The following RNF212 variants were observed in gnomAD, a reference collection of about 807,000 sequenced individuals.
RNF212 encodes the protein ring finger protein 212, also known as probable E3 SUMO-protein ligase RNF212.
RNF212 carries 33 observed loss-of-function variants against 34.7 expected under a neutral mutation model. The ratio of observed to expected loss-of-function variants is 0.95; its 90% CI spans 0.72 to 1.27. The LOEUF is 1.27. RNF212 is among the 50% of genes most tolerant of loss of function. The probability of loss-of-function intolerance (pLI) is 0.00; values close to 1 mark genes in which losing one functional copy is unlikely to be tolerated. For synonymous variants in RNF212, 140 were observed against 136.1 expected, an observed-to-expected ratio of 1.03 and a Z score of -0.20; for missense variants, 377 against 362.2, an observed-to-expected ratio of 1.04 and a Z score of -0.33.
chr4:1,092,035 G>A (rs1577739973), intron 3 of RNF212, among the ~76,000 whole-genome samples: 1 of 152,206 alleles, frequency 6.6e-6, no homozygotes, highest in South Asian at 2.1e-4. Flanking sequence ...GCTGCCTGTC[G>A]GGAACACCTG....
At position 1,113,024 on chromosome 4, in the gene RNF212, T is replaced by A. The variant is rs1348048745; in HGVS notation, c.109+332A>T. ...CACGCCCGCGGCCCCCACTCCCCGG[T>A]GGCCCCTCCTCCGAATACCCCTACC... On this transcript the variant is annotated intron_variant, in intron 1 of 9. Transcript: ENST00000433731. 1.2e-3 allele frequency among the ~76,000 whole-genome samples: 12 copies of A among 10,144 alleles called. 1 individual carries two copies. The South Asian group carries it at 0.057, about 49-fold the overall frequency. 6.7% of individuals were successfully genotyped at this position (10,144 alleles called of 152,430 possible).
intron 2 of RNF212, 131 bp downstream of exon 2, chr4:1,108,212 C>T (rs150390954): frequency 1.8e-6 from 1 of 560,276 alleles, no homozygotes; most frequent in Non-Finnish European, 3.2e-6. Flanking sequence ...ATTTTGATTA[C>T]TCAGATATCT....
At chr4:1,100,157 G>T in intron 2 of RNF212, 1 of 332,036 alleles carries the variant, frequency 3.0e-6, no homozygotes, top group Non-Finnish European at 5.9e-6. Flanking sequence ...CTGCCTGTGT[G>T]GACTTTGCAC....
At chr4:1,101,297 G>T in intron 2 of RNF212, 1 of 330,820 alleles carries the variant, frequency 3.0e-6, no homozygotes, top group Non-Finnish European at 5.9e-6. Flanking sequence ...TTCCATAATT[G>T]TATTGTTTTA....
At chr4:1,086,202 GC>G (rs1281610001) in intron 4 of RNF212, among the ~76,000 whole-genome samples, 2 of 152,294 alleles carry the variant, frequency 1.3e-5, no homozygotes, top group African/African-American at 4.8e-5. Context: ...CCCCACACAA[GC>G]CGGCAGGATG....
At chr4:1,077,349 C>G (rs1189327047) in intron 8 of RNF212, among the ~76,000 whole-genome samples, 1 of 152,242 alleles carries the variant, frequency 6.6e-6, no homozygotes, top group Non-Finnish European at 1.5e-5. Context: ...TAATTTCCAA[C>G]AGTAGCACCT....
chr4:1,065,763 T>A (rs1318208652), intron 3 of RNF212, among the ~76,000 whole-genome samples: 1 of 144,976 alleles, frequency 6.9e-6, no homozygotes, highest in South Asian at 2.1e-4. Flanking sequence ...GTTTTGGCAT[T>A]TTTAGTAGAA....
rs556834335 is a variant in RNF212, at chr4:1,089,604, CA to C, written c.303+1177del. 4.8e-3 allele frequency among the ~76,000 whole-genome samples: 724 copies of C among 152,204 alleles called. 6 individuals carry two copies. Among genetic ancestry groups the C allele is most frequent in the East Asian group, 0.019 (98 of 5,166 alleles). On this transcript the variant is annotated intron_variant, in intron 4 of 9. Coordinates refer to ENST00000433731, the MANE Select transcript of RNF212 (RefSeq NM_001131034.4). ...GAAGGATATGAGATTTGGGAGGGGCCAGGGGTGGAATGATGTGGTTTGGCTC... is the reference window on the plus strand; with the variant it reads ...GAAGGATATGAGATTTGGGAGGGGCCGGGGTGGAATGATGTGGTTTGGCTC...
At position 1,108,372 on chromosome 4, in the gene RNF212, G is replaced by T; in HGVS notation, c.142C>A (p.Pro48Thr). 1 of 1,507,070 alleles carries T rather than the reference G, an allele frequency of 6.6e-7. No homozygotes were observed. Among genetic ancestry groups the T allele is most frequent in the Non-Finnish European group, 8.8e-7 (1 of 1,137,222 alleles). The allele number at this position is 1,507,070 out of a possible 1,614,324, so 93.4% of individuals were successfully genotyped here. The stretch of plus-strand genomic sequence containing the variant: ...TTTGAAAGCAAAACTGTACGACAAG[G>T]AGCTTTACAAATCAAGCATTCATTC... Reference protein sequence around the residue: ...KKNECLICKAPCRTVLLSKHT... With the variant: ...KKNECLICKATCRTVLLSKHT... Residue 48 changes from proline to threonine, a missense_variant, in exon 2 of 10, where the codon CCT becomes ACT. By Grantham distance (38) the Pro-to-Thr change is conservative. Coordinates refer to ENST00000433731, the MANE Select transcript of RNF212 (RefSeq NM_001131034.4).
chr4:1,088,740 A>G (rs1224618822), intron 4 of RNF212, among the ~76,000 whole-genome samples: 4 of 152,352 alleles, frequency 2.6e-5, no homozygotes, highest in Admixed American at 2.6e-4. Context: ...CAGCCTCAGG[A>G]CATGGTGCCC....
intron 3 of RNF212, among the ~76,000 whole-genome samples, chr4:1,059,727 A>G (rs1717616675): frequency 6.6e-6 from 1 of 152,240 alleles, no homozygotes. Flanking sequence ...TGTACATTGA[A>G]CACACAGAAC....
At chr4:1,093,668 AACC>A in intron 3 of RNF212, 1 of 1,536,026 alleles carries the variant, frequency 6.5e-7, no homozygotes, top group South Asian at 1.2e-5. Flanking sequence ...CACTTGGCAA[AACC>A]ACCCTGGAGC....
At position 1,072,567 on chromosome 4, in the gene RNF212, AG is replaced by A; in HGVS notation, c.*306del. 1 of 726,174 alleles carries A rather than the reference AG, an allele frequency of 1.4e-6. No homozygotes were observed. Among genetic ancestry groups the A allele is most frequent in the Non-Finnish European group, 1.8e-6 (1 of 566,804 alleles). 45.0% of individuals were successfully genotyped at this position (726,174 alleles called of 1,614,324 possible). A position where few individuals can be genotyped will look rare whatever the true frequency, so the allele number is the denominator to read the frequency against. On this transcript the variant is annotated 3_prime_UTR_variant, in exon 10 of 10. Transcript: ENST00000433731. The stretch of plus-strand genomic sequence containing the variant: ...TTTCTGTGAACCTAAAACTGCTCTA[AG>A]AAAAAGTTTTAAAAACCACCCAGTT...
At chr4:1,092,777 C>G (rs760554093) in intron 3 of RNF212, among the ~76,000 whole-genome samples, 1 of 152,230 alleles carries the variant, frequency 6.6e-6, no homozygotes, top group Non-Finnish European at 1.5e-5. Context: ...CGTGCTTTGC[C>G]CGCATCCTGC....
At chr4:1,058,945 C>G (rs1717549840) in intron 3 of RNF212, among the ~76,000 whole-genome samples, 1 of 152,250 alleles carries the variant, frequency 6.6e-6, no homozygotes, top group Admixed American at 6.5e-5. Context: ...GGCAAAAGCG[C>G]GTCCAGAATT....
At chr4:1,059,069 C>A (rs6852850) in intron 3 of RNF212, among the ~76,000 whole-genome samples, 1 of 152,180 alleles carries the variant, frequency 6.6e-6, no homozygotes, top group Non-Finnish European at 1.5e-5. Flanking sequence ...GGATGGGAAA[C>A]CCACCCAGTG....
chr4:1,078,095 CA>C (rs371708881), intron 8 of RNF212, among the ~76,000 whole-genome samples: 1 of 152,326 alleles, frequency 6.6e-6, no homozygotes, highest in African/African-American at 2.4e-5. Flanking sequence ...ACCCATGCCA[CA>C]GGGCTGCTAC....
Position 1,102,053 on chromosome 4 carries a change from T to C in RNF212, c.172-5214A>G, listed in dbSNP as rs552446170. On this transcript the variant is annotated intron_variant, in intron 2 of 9. Transcript: ENST00000433731. ...AAAATATAGTATCATCAAATACATA[T>C]ACTGCAGGCAAAAATGAACACAGAA... 2.0e-4 allele frequency among the ~76,000 whole-genome samples: 30 copies of C among 152,226 alleles called. No individual in the cohort carries two copies. In the South Asian group the frequency reaches 3.9e-3, roughly 20 times the overall value.
intron 5 of RNF212, chr4:1,082,029 T>C (rs545342290): frequency 6.6e-5 from 16 of 241,188 alleles, no homozygotes; most frequent in East Asian, 4.5e-4. Context: ...GGCGGGAGGA[T>C]TGGTTGAGCC....
Sources: gnomAD v4.1 joint callset for allele counts (sites outside exome capture counted in the v4.1 genomes callset) on GRCh38, gnomAD v4.1.1 for gene constraint, MANE v1.5 for transcripts, NCBI Gene and HGNC (gene_info 2026-07-23, HGNC 2026-07-21) for gene names.